The following TNR variants were observed in gnomAD, a reference collection of about 807,000 sequenced individuals.
The protein encoded by TNR is tenascin-R.
A neutral mutation model predicts 150.4 loss-of-function variants in TNR; 45 were observed. That is an observed-to-expected ratio of 0.30 (90% CI 0.24 to 0.38). The LOEUF is 0.38. Ranked by LOEUF, TNR falls within the 10% of genes least tolerant of loss-of-function variation. The pLI, the probability that TNR is intolerant of heterozygous loss-of-function variation, is 1.00. For synonymous variants in TNR, 687 were observed against 678.4 expected (o/e 1.01, Z -0.20); for missense variants, 1,544 against 1,759.1 (o/e 0.88, Z 2.19).
At chr1:175,391,630 C>A (rs1248562102) in intron 6 of TNR, among the ~76,000 whole-genome samples, 192 bp from the exon 7 acceptor site, 1 of 152,222 alleles carries the variant, frequency 6.6e-6, no homozygotes, top group African/African-American at 2.4e-5. Context: ...ATAAGAATGA[C>A]ACCACCCTAT....
chr1:175,621,145 T>C (rs1454056520), intron 1 of TNR, among the ~76,000 whole-genome samples: 1 of 152,216 alleles, frequency 6.6e-6, no homozygotes, highest in Non-Finnish European at 1.5e-5. Context: ...GACCGCTCTG[T>C]TCTGGCACAT....
At chr1:175,376,669 C>T (rs984453396) in intron 9 of TNR, among the ~76,000 whole-genome samples, 6 of 152,070 alleles carry the variant, frequency 3.9e-5, no homozygotes, top group Non-Finnish European at 2.9e-5. Context: ...CATGGCTCTC[C>T]CTTCTCTTCC....
chr1:175,431,911 A>ATCTCTCTCTCTCTCTCTCTCTCCTTC (rs1553221257), intron 2 of TNR, among the ~76,000 whole-genome samples: 7 of 136,466 alleles, frequency 5.1e-5, no homozygotes, highest in East Asian at 4.2e-4. Context: ...GGACCATAAT[A>ATCTCTCTCTCTCTCTCTCTCTCCTTC]TCTCTCTCTC....
intron 2 of TNR, among the ~76,000 whole-genome samples, chr1:175,435,715 T>C (rs968654062): frequency 9.9e-5 from 15 of 152,230 alleles, no homozygotes; most frequent in Non-Finnish European, 1.6e-4. Context: ...CGTTAGTTGA[T>C]GCAGTTTCTT....
At chr1:175,634,459 G>A (rs1474582018) in intron 1 of TNR, among the ~76,000 whole-genome samples, 1 of 152,124 alleles carries the variant, frequency 6.6e-6, no homozygotes, top group Non-Finnish European at 1.5e-5. Context: ...TGTTTTCTTG[G>A]CTAAATGATT....
chr1:175,323,786 G>A (rs997098946), intron 22 of TNR, among the ~76,000 whole-genome samples: 1 of 152,182 alleles, frequency 6.6e-6, no homozygotes, highest in African/African-American at 2.4e-5. Context: ...CCAACAGGGT[G>A]GAAGCATTTG....
At chr1:175,708,514 T>C (rs1571774930) in intron 1 of TNR, among the ~76,000 whole-genome samples, 1 of 152,332 alleles carries the variant, frequency 6.6e-6, no homozygotes, top group Middle Eastern at 3.4e-3. Context: ...CACACACTTT[T>C]GGGTTTATAG....
chr1:175,452,955 CAG>C (rs1656391614), intron 2 of TNR, among the ~76,000 whole-genome samples: 1 of 151,934 alleles, frequency 6.6e-6, no homozygotes, highest in African/African-American at 2.4e-5. Context: ...GCCCTTCAGA[CAG>C]GGGGCAGCGG....
At chr1:175,480,443 G>GAAAGAAAGAA (rs199763120) in intron 2 of TNR, among the ~76,000 whole-genome samples, 4 of 94,656 alleles carry the variant, frequency 4.2e-5, no homozygotes, top group Non-Finnish European at 8.7e-5. Context: ...AAGAAAGAAA[G>GAAAGAAAGAA]AGAAAGAAAG....
chr1:175,612,800 T>C (rs1318427166), intron 1 of TNR, among the ~76,000 whole-genome samples: 2 of 152,192 alleles, frequency 1.3e-5, no homozygotes, highest in African/African-American at 4.8e-5. Flanking sequence ...TTTCTGAAGA[T>C]ATGTTGACTT....
intron 1 of TNR, among the ~76,000 whole-genome samples, chr1:175,598,680 G>A (rs1193747341): frequency 1.3e-5 from 2 of 152,232 alleles, no homozygotes; most frequent in African/African-American, 4.8e-5. Context: ...TTTAGGAGAA[G>A]TATGCACTCT....
intron 2 of TNR, among the ~76,000 whole-genome samples, chr1:175,413,385 G>A (rs185892100): frequency 9.3e-4 from 141 of 152,346 alleles, no homozygotes; most frequent in African/African-American, 3.2e-3. Flanking sequence ...TGAGGAAGGC[G>A]TGGCCTAATG....
intron 2 of TNR, among the ~76,000 whole-genome samples, chr1:175,455,482 T>C (rs1479786298): frequency 1.3e-5 from 2 of 152,208 alleles, no homozygotes; most frequent in Admixed American, 1.3e-4. Flanking sequence ...TGTCTAGCAG[T>C]AGGAGCAGGC....
intron 12 of TNR, among the ~76,000 whole-genome samples, chr1:175,364,327 CTTT>C (rs71129505): frequency 7.0e-6 from 1 of 142,504 alleles, no homozygotes. Context: ...ATGCTATGGG[CTTT>C]TTTTTTTTTT....
intron 2 of TNR, among the ~76,000 whole-genome samples, chr1:175,486,986 T>C (rs1658044639): frequency 6.6e-6 from 1 of 152,270 alleles, no homozygotes; most frequent in South Asian, 2.1e-4. Flanking sequence ...TTTTTTCTTG[T>C]AAACTTGTTT....
chr1:175,740,403 T>C (rs1337735978), intron 1 of TNR, among the ~76,000 whole-genome samples: 2 of 152,038 alleles, frequency 1.3e-5, no homozygotes, highest in Non-Finnish European at 2.9e-5. Context: ...ATCAGTGCAT[T>C]TTATTATATA....
At chr1:175,451,259 C>A (rs182480984) in intron 2 of TNR, among the ~76,000 whole-genome samples, 2 of 149,036 alleles carry the variant, frequency 1.3e-5, no homozygotes, top group East Asian at 4.1e-4. Flanking sequence ...CTAGGGTACA[C>A]GTGCACAACG....
At chr1:175,732,103 C>T (rs1667658536) in intron 1 of TNR, among the ~76,000 whole-genome samples, 1 of 152,190 alleles carries the variant, frequency 6.6e-6, no homozygotes, top group Non-Finnish European at 1.5e-5. Context: ...CTTCTGGAGG[C>T]TCTGGCTACC....
rs1464419575 is a variant in TNR, at chr1:175,657,883, A to ATATATATATATATATATATATATATGTG, written c.-165+85342_-165+85343insCACATATATATATATATATATATATATA. On this transcript the variant is annotated intron_variant, in intron 1 of 22. Coordinates refer to ENST00000367674, the MANE Select transcript of TNR (RefSeq NM_003285.3). The stretch of plus-strand genomic sequence containing the variant: ...TATATATATATATATATATATATAT[A>ATATATATATATATATATATATATATGTG]TGTAACAAACCTGCACGTTGTGCAC... Among the ~76,000 whole-genome samples the ATATATATATATATATATATATATATGTG allele has an allele frequency of 1.6e-3, 159 of 101,040 alleles. 5 individuals are homozygous for ATATATATATATATATATATATATATGTG. Among genetic ancestry groups the ATATATATATATATATATATATATATGTG allele is most frequent in the South Asian group, 3.6e-3 (10 of 2,774 alleles). 66.3% of individuals were successfully genotyped at this position (101,040 alleles called of 152,430 possible).
Sources: gnomAD v4.1 joint callset for allele counts (sites outside exome capture counted in the v4.1 genomes callset) on GRCh38, gnomAD v4.1.1 for gene constraint, MANE v1.5 for transcripts, NCBI Gene and HGNC (gene_info 2026-07-23, HGNC 2026-07-21) for gene names.